MCF2L: variants seen among roughly 807,000 people sequenced by gnomAD.
MCF2L encodes the protein guanine nucleotide exchange factor DBS.
In MCF2L, 97 loss-of-function variants were observed where a neutral mutation model predicts 153.4. The ratio of observed to expected loss-of-function variants is 0.63; its 90% CI spans 0.54 to 0.75. The LOEUF is 0.75. Ranked by LOEUF, MCF2L falls within the 30% of genes least tolerant of loss-of-function variation. MCF2L has a pLI of 0.00. For missense variants in MCF2L, 1,347 were observed against 1,495.2 expected (o/e 0.90, Z 1.64); for synonymous variants, 659 against 632.2 (o/e 1.04, Z -0.64).
chr13:113,088,578 G>A lies in MCF2L; in HGVS notation c.2784G>A (p.Arg928=), dbSNP rs1413783260. The A allele has an allele frequency of 1.9e-6, 3 of 1,610,682 alleles. No individual in the cohort carries two copies. Among genetic ancestry groups the A allele is most frequent in the East Asian group, 2.2e-5 (1 of 44,868 alleles). The change falls in exon 25 of 30, where the codon CGG becomes CGA. Residue 928 remains arginine (R), a synonymous_variant. Coordinates refer to ENST00000535094, the MANE Select transcript of MCF2L (RefSeq NM_001112732.3). ...LQACREASQH[R]ALEQSQSLPL... is the part of the protein sequence containing the mutation. Reference sequence around the variant, plus strand: ...TCCTCGCAGAAGCCAGCCAGCACCGGGCGCTGGAGCAGTCACAGAGCCTGC... The same window carrying A: ...TCCTCGCAGAAGCCAGCCAGCACCGAGCGCTGGAGCAGTCACAGAGCCTGC...
At chr13:112,917,794 G>A (rs572652699) in intron 2 of MCF2L, among the ~76,000 whole-genome samples, 2 of 152,290 alleles carry the variant, frequency 1.3e-5, no homozygotes, top group Admixed American at 1.3e-4. Flanking sequence ...CCCTTCTCTT[G>A]TTTGCTGCGG....
intron 4 of MCF2L, among the ~76,000 whole-genome samples, chr13:113,048,482 CCAGGCCGGACTG>C (rs973946241): frequency 2.1e-5 from 3 of 143,944 alleles, no homozygotes; most frequent in Non-Finnish European, 4.6e-5. Context: ...ATTCTTTCGC[CCAGGCCGGACTG>C]CAGTGGCGCG....
At chr13:113,047,421 A>G (rs1467128656) in intron 4 of MCF2L, 2 of 152,240 alleles carry the variant, frequency 1.3e-5, no homozygotes, top group Non-Finnish European at 2.9e-5. Context: ...AAATTAAATC[A>G]TAAGAACCCA....
intron 2 of MCF2L, among the ~76,000 whole-genome samples, chr13:112,921,691 AAT>A (rs2081354562): frequency 6.6e-6 from 1 of 152,248 alleles, no homozygotes; most frequent in South Asian, 2.1e-4. Context: ...CAGGGATATG[AAT>A]AATACAGGAA....
In MCF2L at chr13:113,085,986, G is replaced by A. The variant is rs1035708409; in HGVS notation, c.2248-138G>A. The A allele has an allele frequency of 5.8e-6, 5 of 860,742 alleles. No homozygotes were observed. In the African/African-American group the frequency reaches 7.1e-5, roughly 12 times the overall value. The allele number at this position is 860,742 out of a possible 1,614,324, so 53.3% of individuals were successfully genotyped here. A position where few individuals can be genotyped will look rare whatever the true frequency, so the allele number is the denominator to read the frequency against. ...ACTCAGTCTGTCCCAGCTGCAGGAG[G>A]GCAGGCAGGGCAGCTCCCCACAGAC... On this transcript the variant is annotated intron_variant, in intron 20 of 29. Transcript: ENST00000535094.
At chr13:112,927,480 C>T (rs2081419842) in intron 2 of MCF2L, among the ~76,000 whole-genome samples, 1 of 152,054 alleles carries the variant, frequency 6.6e-6, no homozygotes, top group Admixed American at 6.6e-5. Context: ...ATGACCGGGT[C>T]TGGGGAAAAA....
At chr13:112,992,699 G>A (rs1302349219) in intron 1 of MCF2L, among the ~76,000 whole-genome samples, 1 of 152,188 alleles carries the variant, frequency 6.6e-6, no homozygotes, top group Non-Finnish European at 1.5e-5. Context: ...ATTCTAGCTG[G>A]GGAAAGGTGG....
chr13:113,094,801 C>CCTAA (rs2035511242), intron 27 of MCF2L, 166 bp downstream of exon 27: 4 of 1,056,030 alleles, frequency 3.8e-6, no homozygotes, highest in South Asian at 3.0e-5. Flanking sequence ...GCCAGCTCCT[C>CCTAA]CTAACTCTCT....
chr13:113,052,754 C>CGT (rs138387877), intron 4 of MCF2L: 51,285 of 151,328 alleles, frequency 0.34, 9,111 homozygotes, highest in South Asian at 0.41. Flanking sequence ...AGTGCCCATT[C>CGT]GTGTGTGTGT....
chr13:112,954,961 A>G (rs1476056231), intron 2 of MCF2L, among the ~76,000 whole-genome samples: 1 of 152,134 alleles, frequency 6.6e-6, no homozygotes, highest in Non-Finnish European at 1.5e-5. Flanking sequence ...GGTCCCAGCT[A>G]TAGTGGAATC....
chr13:112,997,049 A>ACTGCTTTCCCAGCTGAGCGG (rs2083168216), intron 1 of MCF2L, among the ~76,000 whole-genome samples: 1 of 152,206 alleles, frequency 6.6e-6, no homozygotes, highest in Admixed American at 6.5e-5. Flanking sequence ...CCTCGCCTGC[A>ACTGCTTTCCCAGCTGAGCGG]CTGCTTTCCC....
rs376623135 is a variant in MCF2L at position 113,087,889 on chromosome 13, A to G, written c.2688+90A>G. ...GTGCAAGGATCTGCCATGAAGTTGCATCGAGCCCAGGAGCAGCCGCTGTAC... is the reference window on the plus strand; with the variant it reads ...GTGCAAGGATCTGCCATGAAGTTGCGTCGAGCCCAGGAGCAGCCGCTGTAC... On this transcript the variant is annotated intron_variant, in intron 23 of 29. Coordinates refer to ENST00000535094, the MANE Select transcript of MCF2L (RefSeq NM_001112732.3). 901 of 1,162,538 alleles carry G rather than the reference A, an allele frequency of 7.8e-4. 10 individuals are homozygous for G. The South Asian group carries it at 0.011, about 14-fold the overall frequency. 72.0% of individuals were successfully genotyped at this position (1,162,538 alleles called of 1,614,324 possible).
Position 112,951,377 on chromosome 13 carries a change from T to G in MCF2L, c.169+49006T>G, listed in dbSNP as rs1185443276. 6.6e-6 allele frequency among the ~76,000 whole-genome samples: 1 copy of G among 152,138 alleles called. No individual in the cohort carries two copies. Among genetic ancestry groups the G allele is most frequent in the Non-Finnish European group, 1.5e-5 (1 of 68,024 alleles). On this transcript the variant is annotated intron_variant, in intron 2 of 29. Transcript: ENST00000375608. This position sits in a 1 kb window ranked among gnomAD's most constrained non-coding sequence, Gnocchi z 4.8. Reference sequence around the variant, plus strand: ...GAATTTATCCCAGAGAAATCAAAATTTATGTGCACATAAATACAGGCATAT... The same window carrying G: ...GAATTTATCCCAGAGAAATCAAAATGTATGTGCACATAAATACAGGCATAT...
At chr13:112,928,534 T>C (rs2081430810) in intron 2 of MCF2L, among the ~76,000 whole-genome samples, 1 of 152,214 alleles carries the variant, frequency 6.6e-6, no homozygotes, top group Non-Finnish European at 1.5e-5. Flanking sequence ...GTCCATATCT[T>C]TCAAATAAAT....
At chr13:113,081,124 T>C in intron 15 of MCF2L, 89 bp from the exon 16 acceptor site, 1 of 1,123,404 alleles carries the variant, frequency 8.9e-7, no homozygotes, top group Non-Finnish European at 1.3e-6. Flanking sequence ...CAGGCCATCA[T>C]TCTAGGTGGC....
At position 112,907,605 on chromosome 13, in the gene MCF2L, G is replaced by A. The variant is rs1311242303; in HGVS notation, c.169+5234G>A. 6.6e-6 allele frequency among the ~76,000 whole-genome samples: 1 copy of A among 152,196 alleles called. No homozygotes were observed. Among genetic ancestry groups the A allele is most frequent in the Non-Finnish European group, 1.5e-5 (1 of 68,036 alleles). On this transcript the variant is annotated intron_variant, in intron 2 of 29. Transcript: ENST00000375608. The surrounding 1 kb of genome is among the most constrained non-coding windows in gnomAD (Gnocchi z 5.1). ...TTCACATCTTCAGGCTCCTTCTGTGGTTGGGTGCTAGCTGTTGTATGCTGA... is the reference window on the plus strand; with the variant it reads ...TTCACATCTTCAGGCTCCTTCTGTGATTGGGTGCTAGCTGTTGTATGCTGA...
chr13:112,945,111 A>G (rs1417714924), intron 2 of MCF2L, among the ~76,000 whole-genome samples: 2 of 149,860 alleles, frequency 1.3e-5, no homozygotes, highest in East Asian at 2.0e-4. Flanking sequence ...TTGGTGCTCT[A>G]TATACATATC....
intron 1 of MCF2L, among the ~76,000 whole-genome samples, chr13:113,005,574 G>T (rs373399636): frequency 3.3e-5 from 5 of 152,096 alleles, no homozygotes; most frequent in African/African-American, 1.2e-4. Context: ...TGTTTGTGGT[G>T]GCCGTGGTCT....
chr13:113,090,086 C>G, intron 26 of MCF2L: 1 of 1,552,754 alleles, frequency 6.4e-7, no homozygotes, highest in Non-Finnish European at 8.7e-7. Flanking sequence ...GTCACTAGCT[C>G]TGCCTCAGAA....
Sources: allele counts gnomAD v4.1 joint callset (sites outside exome capture counted in the v4.1 genomes callset), GRCh38; gene constraint gnomAD v4.1.1; non-coding constraint Gnocchi (gnomAD v3.1); transcripts MANE v1.5; gene names NCBI Gene and HGNC (gene_info 2026-07-23, HGNC 2026-07-21).